Variants in LGALS2 observed in about 807,000 individuals in gnomAD.
The protein encoded by LGALS2 is galectin-2.
A neutral mutation model predicts 10.1 loss-of-function variants in LGALS2; 7 were observed. That is an observed-to-expected ratio of 0.70 (90% confidence interval 0.40 to 1.31). The LOEUF is 1.31. LGALS2 is among the 50% of genes most tolerant of loss of function. The pLI is 0.01. For synonymous variants in LGALS2, 86 were observed against 64.2 expected (o/e 1.34, Z -1.63); for missense variants, 167 against 163.6 (o/e 1.02, Z -0.11).
At chr22:37,579,819 TG>T in intron 1 of LGALS2, 80 bp downstream of exon 1, 1 of 1,450,604 alleles carries the variant, frequency 6.9e-7, no homozygotes, top group Non-Finnish European at 9.5e-7. Flanking sequence ...GGGACAGCAA[TG>T]GTTTTCCCTA....
intron 1 of LGALS2, among the ~76,000 whole-genome samples, chr22:37,577,462 G>A (rs1413838185): frequency 6.7e-6 from 1 of 150,292 alleles, no homozygotes; most frequent in African/African-American, 2.5e-5. Context: ...CGATTCTCCT[G>A]CCTCAGCCTC....
intron 1 of LGALS2, among the ~76,000 whole-genome samples, chr22:37,576,102 T>C (rs1433391662): frequency 6.6e-6 from 1 of 152,084 alleles, no homozygotes; most frequent in Admixed American, 6.6e-5. Context: ...CCCATGTCTT[T>C]GCTTAACACA....
chr22:37,572,886 G>A (rs146227952), intron 1 of LGALS2, among the ~76,000 whole-genome samples: 2,150 of 151,776 alleles, frequency 0.014, 64 homozygotes, highest in African/African-American at 0.05. Flanking sequence ...CGGGAGAATT[G>A]CTTGAATTCT....
rs1925508634 is a variant in LGALS2 at position 37,571,887 on chromosome 22, G to T, written c.51C>A (p.Thr17=). ...CGGCGATGCTGCCTGTGATCTTCAG[G>T]GTTGACCCCGGCTTCATGTCCATGT... is the stretch of plus-strand genomic sequence containing the variant. The part of the protein sequence containing the change: ...VKNMDMKPGS[T]LKITGSIADG... Residue 17 remains threonine, a synonymous_variant, in exon 2 of 4, where the codon ACC becomes ACA. Transcript: ENST00000215886. 5 of 1,614,098 alleles carry T rather than the reference G, an allele frequency of 3.1e-6. No homozygotes were observed. Among genetic ancestry groups the T allele is most frequent in the African/African-American group, 1.3e-5 (1 of 75,006 alleles).
chr22:37,577,542 T>TTTC (rs1925726510), intron 1 of LGALS2, among the ~76,000 whole-genome samples: 1 of 151,246 alleles, frequency 6.6e-6, no homozygotes, highest in Non-Finnish European at 1.5e-5. Flanking sequence ...CTTCTTCTTT[T>TTTC]TTGTTTTTGT....
intron 1 of LGALS2, among the ~76,000 whole-genome samples, chr22:37,576,377 G>A (rs1050521653): frequency 1.8e-4 from 27 of 149,190 alleles, no homozygotes; most frequent in Admixed American, 7.5e-4. Context: ...GCGTGAACCC[G>A]GGAGGCGGTG....
rs766318716 is a variant in LGALS2 at position 37,579,935 on chromosome 22, G to T, written c.-30C>A. ...ACAGCTCCTGGCGGCAGCTCCCAGC[G>T]GCTCCTGGAGGCCTGTGCTCAGGGT... On this transcript the variant is annotated 5_prime_UTR_variant, in exon 1 of 4. Coordinates refer to ENST00000215886, the MANE Select transcript of LGALS2 (RefSeq NM_006498.3). 3 of 1,611,200 alleles carry T rather than the reference G, an allele frequency of 1.9e-6. No individual in the cohort carries two copies. Among genetic ancestry groups the T allele is most frequent in the Non-Finnish European group, 2.5e-6 (3 of 1,179,066 alleles).
At chr22:37,578,000 G>A (rs1017009337) in intron 1 of LGALS2, among the ~76,000 whole-genome samples, 1 of 152,210 alleles carries the variant, frequency 6.6e-6, no homozygotes, top group Admixed American at 6.5e-5. Flanking sequence ...CAGAACAAAC[G>A]TCTATCGTGT....
chr22:37,572,925 C>T (rs908903272), intron 1 of LGALS2, among the ~76,000 whole-genome samples: 5 of 150,858 alleles, frequency 3.3e-5, no homozygotes, highest in Non-Finnish European at 5.9e-5. Flanking sequence ...GAGCTGAGAT[C>T]GTACCATTGC....
At chr22:37,578,117 G>A (rs1925740924) in intron 1 of LGALS2, among the ~76,000 whole-genome samples, 1 of 152,254 alleles carries the variant, frequency 6.6e-6, no homozygotes, top group Non-Finnish European at 1.5e-5. Flanking sequence ...ACAGATGTAA[G>A]GAAGACTGGG....
At chr22:37,572,999 C>T (rs1032738306) in intron 1 of LGALS2, among the ~76,000 whole-genome samples, 3 of 150,338 alleles carry the variant, frequency 2.0e-5, no homozygotes, top group Non-Finnish European at 4.4e-5. Context: ...AAAGGCCGGG[C>T]ACAGTGGCTC....
Position 37,580,022 on chromosome 22 carries a change from G to T in LGALS2, c.-117C>A. On this transcript the variant is annotated 5_prime_UTR_variant, in exon 1 of 4. Coordinates refer to ENST00000215886, the MANE Select transcript of LGALS2 (RefSeq NM_006498.3). ...CACATTAACTCCCTCAAGGTCCTAG[G>T]TGAGGACTTTGCCCCTTCTACCTTG... The T allele has an allele frequency of 9.1e-7, 1 of 1,096,116 alleles. No homozygotes were observed. Among genetic ancestry groups the T allele is most frequent in the Non-Finnish European group, 1.3e-6 (1 of 753,928 alleles). 67.9% of individuals were successfully genotyped at this position (1,096,116 alleles called of 1,614,324 possible). A position where few individuals can be genotyped will look rare whatever the true frequency, so the allele number is the denominator to read the frequency against.
At chr22:37,572,564 G>T (rs527595591) in intron 1 of LGALS2, among the ~76,000 whole-genome samples, 8 of 151,684 alleles carry the variant, frequency 5.3e-5, no homozygotes, top group Non-Finnish European at 1.0e-4. Context: ...TCAGGAGATC[G>T]AGACCATCCT....
At chr22:37,570,783 A>G (rs1205296060) in intron 2 of LGALS2, 48 bp from the exon 3 acceptor site, 55 of 1,610,934 alleles carry the variant, frequency 3.4e-5, no homozygotes, top group Non-Finnish European at 4.2e-5. Flanking sequence ...AGGCCTGGAT[A>G]AAGCAGCTTG....
chr22:37,580,047 G>T lies in LGALS2; in HGVS notation c.-142C>A. On this transcript the variant is annotated 5_prime_UTR_variant, in exon 1 of 4. Transcript: ENST00000215886. ...GTGAGGACTTTGCCCCTTCTACCTTGTGTCTCCCCGCCTGCATCTCCCAGT... is the reference window on the plus strand; with the variant it reads ...GTGAGGACTTTGCCCCTTCTACCTTTTGTCTCCCCGCCTGCATCTCCCAGT... The T allele has an allele frequency of 2.9e-6, 2 of 695,944 alleles. No homozygotes were observed. The highest frequency in any genetic ancestry group is 2.3e-6 in the Non-Finnish European group (1 of 426,636). 43.1% of individuals were successfully genotyped at this position (695,944 alleles called of 1,614,324 possible).
rs563154261 is a variant in LGALS2, at chr22:37,570,393, C to T, written c.269G>A (p.Ser90Asn). 2.4e-5 allele frequency: 39 copies of T among 1,613,706 alleles called. No homozygotes were observed. The African/African-American group carries it at 4.4e-4, about 18-fold the overall frequency. ...TGGCAGCTTCACCTTGAATTTGTCA[C>T]TCTCAAAGGTCACTGTGAACTGTGG... ...SEVKFTVTFESDKFKVKLPDG... is the reference protein window; with the variant it reads ...SEVKFTVTFENDKFKVKLPDG... The change falls in exon 4 of 4, where the codon AGT becomes AAT. Residue 90 changes from serine to asparagine, a missense_variant. Ser to Asn is a conservative substitution (Grantham distance 46). Coordinates refer to ENST00000215886, the MANE Select transcript of LGALS2 (RefSeq NM_006498.3).
chr22:37,570,482 A>T, intron 3 of LGALS2, 70 bp from the exon 4 acceptor site: 1 of 1,605,470 alleles, frequency 6.2e-7, no homozygotes, highest in Non-Finnish European at 8.5e-7. Flanking sequence ...CTGATGGCTC[A>T]AACAAGGCCA....
intron 1 of LGALS2, among the ~76,000 whole-genome samples, chr22:37,574,689 C>T (rs1419670999): frequency 6.6e-6 from 1 of 151,836 alleles, no homozygotes; most frequent in African/African-American, 2.4e-5. Flanking sequence ...ATCTGAGATG[C>T]CCTGAATGAG....
chr22:37,570,305 T>A lies in LGALS2; in HGVS notation c.357A>T (p.Val119=). The part of the protein sequence containing the change: ...LGHSHLSYLS[V]RGGFNMSSFK... ...AAGAGGACATGTTGAACCCGCCCCT[T>A]ACGCTCAGGTAGCTCAGGTGGCTGT... Residue 119 remains valine, a synonymous_variant, in exon 4 of 4, where the codon GTA becomes GTT. Transcript: ENST00000215886. 6.2e-7 allele frequency: 1 copy of A among 1,613,510 alleles called. No individual in the cohort carries two copies. The highest frequency in any genetic ancestry group is 8.5e-7 in the Non-Finnish European group (1 of 1,179,464).
Sources: gnomAD v4.1 joint callset for allele counts (sites outside exome capture counted in the v4.1 genomes callset) on GRCh38, gnomAD v4.1.1 for gene constraint, MANE v1.5 for transcripts, NCBI Gene and HGNC (gene_info 2026-07-23, HGNC 2026-07-21) for gene names.